The following DLGAP4 variants were observed in gnomAD, a reference collection of about 807,000 sequenced individuals.
DLGAP4 encodes the protein DLG associated protein 4, also known as disks large-associated protein 4.
DLGAP4 carries 18 observed loss-of-function variants against 86.9 expected under a neutral mutation model. The ratio of observed to expected loss-of-function variants is 0.21; its 90% CI spans 0.14 to 0.31. The LOEUF (loss-of-function observed/expected upper bound fraction) is 0.31, where lower values mean the gene tolerates loss of function less well. Among genes scored for constraint, DLGAP4 ranks in the 10% least tolerant of loss-of-function variants. The pLI, the probability that DLGAP4 is intolerant of heterozygous loss-of-function variation, is 1.00. For synonymous variants in DLGAP4, 548 were observed against 574.3 expected (o/e 0.95, Z 0.65); for missense variants, 1,085 against 1,362.6 (o/e 0.80, Z 3.21).
At chr20:36,461,409 G>GGGGGCGGGGAGGGGCGGGGCA in intron 7 of DLGAP4, 1 of 965,938 alleles carries the variant, frequency 1.0e-6, no homozygotes, top group Non-Finnish European at 1.2e-6. Context: ...GGCTGACGCG[G>GGGGGCGGGGAGGGGCGGGGCA]GGGGCGGGGA....
intron 3 of DLGAP4, among the ~76,000 whole-genome samples, chr20:36,433,258 T>C (rs551068347): frequency 5.6e-4 from 85 of 152,334 alleles, no homozygotes; most frequent in Admixed American, 4.9e-3. Flanking sequence ...GGGAAAGACA[T>C]GGACGGTCAT....
chr20:36,446,573 C>A, intron 6 of DLGAP4, 124 bp from the exon 7 acceptor site: 1 of 840,184 alleles, frequency 1.2e-6, no homozygotes, highest in Non-Finnish European at 1.9e-6. Flanking sequence ...GTGAGATGGA[C>A]AGGGGTGGGC....
At chr20:36,526,131 C>T in intron 12 of DLGAP4, 125 bp downstream of exon 12, 2 of 1,392,726 alleles carry the variant, frequency 1.4e-6, no homozygotes, top group Non-Finnish European at 2.0e-6. Flanking sequence ...TGGGGTCTCA[C>T]ATCCATCACT....
At chr20:36,383,897 C>G (rs1246275527) in intron 2 of DLGAP4, among the ~76,000 whole-genome samples, 1 of 151,664 alleles carries the variant, frequency 6.6e-6, no homozygotes, top group Non-Finnish European at 1.5e-5. Flanking sequence ...ATGGCGTGAA[C>G]CCGGGAGGCG....
chr20:36,363,789 G>A (rs79883915), intron 1 of DLGAP4, among the ~76,000 whole-genome samples: 3,134 of 152,294 alleles, frequency 0.021, 127 homozygotes, highest in African/African-American at 0.072. Flanking sequence ...CTAGGGTTTG[G>A]AATTTTGTCT....
At chr20:36,423,908 C>T (rs2032901081) in intron 2 of DLGAP4, among the ~76,000 whole-genome samples, 1 of 152,006 alleles carries the variant, frequency 6.6e-6, no homozygotes, top group African/African-American at 2.4e-5. Flanking sequence ...TGCAGTGAGC[C>T]GAGATCATGC....
chr20:36,321,040 G>A (rs2065162646), intron 1 of DLGAP4, among the ~76,000 whole-genome samples: 1 of 152,194 alleles, frequency 6.6e-6, no homozygotes, highest in Non-Finnish European at 1.5e-5. Flanking sequence ...GGCCCTCAAA[G>A]GAGCCACATC....
At chr20:36,359,719 G>A (rs937258947) in intron 1 of DLGAP4, among the ~76,000 whole-genome samples, 1 of 152,196 alleles carries the variant, frequency 6.6e-6, no homozygotes, top group East Asian at 1.9e-4. Context: ...GGCACATAGC[G>A]GTGTTCCTAG....
At chr20:36,340,045 GATC>G (rs2065362433) in intron 1 of DLGAP4, among the ~76,000 whole-genome samples, 1 of 152,156 alleles carries the variant, frequency 6.6e-6, no homozygotes, top group South Asian at 2.1e-4. Context: ...GCATATTCAT[GATC>G]TTGCCGCCCA....
chr20:36,401,623 G>A (rs1441515016), intron 2 of DLGAP4, among the ~76,000 whole-genome samples: 1 of 152,210 alleles, frequency 6.6e-6, no homozygotes, highest in Non-Finnish European at 1.5e-5. Context: ...CCAGCATCGT[G>A]GTTAGCGTTG....
chr20:36,416,370 C>T (rs1444713413), intron 2 of DLGAP4, among the ~76,000 whole-genome samples: 1 of 152,234 alleles, frequency 6.6e-6, no homozygotes, highest in African/African-American at 2.4e-5. Flanking sequence ...GACCCACCTG[C>T]CTTGGCCTCC....
At position 36,436,291 on chromosome 20, in the gene DLGAP4, G is replaced by A. The variant is rs1240235661; in HGVS notation, c.1182G>A (p.Arg394=). 2 of 1,604,682 alleles carry A rather than the reference G, an allele frequency of 1.2e-6. No individual in the cohort carries two copies. The highest frequency in any genetic ancestry group is 1.7e-6 in the Non-Finnish European group (2 of 1,179,086). The change falls in exon 4 of 13, where the codon CGG becomes CGA. Residue 394 remains arginine (R), a synonymous_variant. Coordinates refer to ENST00000339266, the MANE Select transcript of DLGAP4 (RefSeq NM_001365621.2). ...SPKPSPKTAA[R]RQSYLRATQQ... ...AGCCCTCACCCAAGACCGCGGCGCGGCGCCAGAGCTATCTGAGGGCCACGC... is the reference window on the plus strand; with the variant it reads ...AGCCCTCACCCAAGACCGCGGCGCGACGCCAGAGCTATCTGAGGGCCACGC...
chr20:36,507,411 A>G (rs2036440483), intron 10 of DLGAP4, among the ~76,000 whole-genome samples: 1 of 152,096 alleles, frequency 6.6e-6, no homozygotes, highest in Non-Finnish European at 1.5e-5. Flanking sequence ...TATTTTTAGT[A>G]GAGACAGGGT....
At chr20:36,511,237 C>G (rs2036676920) in intron 10 of DLGAP4, among the ~76,000 whole-genome samples, 2 of 152,192 alleles carry the variant, frequency 1.3e-5, no homozygotes, top group Admixed American at 6.5e-5. Flanking sequence ...AGGTCTCACT[C>G]TGTCACTGAG....
chr20:36,381,802 C>T (rs1204439712), intron 2 of DLGAP4, among the ~76,000 whole-genome samples: 1 of 152,134 alleles, frequency 6.6e-6, no homozygotes, highest in Non-Finnish European at 1.5e-5. Context: ...ATAAGCTCTT[C>T]TCCTCTGTAT....
At chr20:36,319,910 A>G (rs901720107) in intron 1 of DLGAP4, among the ~76,000 whole-genome samples, 1 of 151,846 alleles carries the variant, frequency 6.6e-6, no homozygotes, top group African/African-American at 2.4e-5. Flanking sequence ...GGTAGCGGGG[A>G]GAGTCTGGAA....
At chr20:36,328,909 G>A (rs2065241822) in intron 1 of DLGAP4, among the ~76,000 whole-genome samples, 3 of 152,026 alleles carry the variant, frequency 2.0e-5, no homozygotes, top group African/African-American at 2.4e-5. Context: ...CTGAGTAGCT[G>A]CGACTACAGG....
chr20:36,497,461 G>C, intron 8 of DLGAP4: 3 of 1,045,714 alleles, frequency 2.9e-6, no homozygotes, highest in Non-Finnish European at 3.5e-6. Flanking sequence ...GCTCGGGTGC[G>C]GAGGCCATAG....
intron 10 of DLGAP4, among the ~76,000 whole-genome samples, chr20:36,520,602 C>T (rs1052061367): frequency 6.6e-6 from 1 of 152,204 alleles, no homozygotes; most frequent in Admixed American, 6.5e-5. Flanking sequence ...CCACCTCAGC[C>T]TCTCAAAGGG....
Sources: allele counts gnomAD v4.1 joint callset (sites outside exome capture counted in the v4.1 genomes callset), GRCh38; gene constraint gnomAD v4.1.1; transcripts MANE v1.5; gene names NCBI Gene and HGNC (gene_info 2026-07-23, HGNC 2026-07-21).